Variants in CCDC77 observed in about 807,000 individuals in gnomAD.
The protein encoded by CCDC77 is coiled-coil domain-containing protein 77.
Under a neutral mutation model 66.8 loss-of-function variants are expected in CCDC77, and 56 were observed. The observed-to-expected ratio is 0.84, with a 90% CI of 0.68 to 1.05. CCDC77 has a LOEUF of 1.05. Ranked by LOEUF, CCDC77 falls within the 50% of genes least tolerant of loss-of-function variation. CCDC77 has a pLI of 0.00. For missense variants in CCDC77, 570 were observed against 576.8 expected (o/e 0.99, Z 0.12); for synonymous variants, 196 against 195.2 (o/e 1.00, Z -0.03).
At chr12:395,039 G>T (rs1944808503) in intron 1 of CCDC77, 1 of 152,168 alleles carries the variant, frequency 6.6e-6, no homozygotes, top group African/African-American at 2.4e-5. Context: ...GGGGGCTTGG[G>T]TGATCATCAA....
upstream of CCDC77, among the ~76,000 whole-genome samples, chr12:400,567 C>T (rs1349492603): frequency 6.6e-6 from 1 of 152,102 alleles, no homozygotes; most frequent in African/African-American, 2.4e-5. Context: ...TGTTGTATCA[C>T]AGGAATAAGG....
intron 7 of CCDC77, 32 bp downstream of exon 7, chr12:430,768 A>G: frequency 4.6e-6 from 7 of 1,521,926 alleles, no homozygotes; most frequent in Non-Finnish European, 6.4e-6. Flanking sequence ...AGAAATTCTC[A>G]TCAATGCAGA....
Position 419,263 on chromosome 12 carries a change from T to C in CCDC77, c.413+627T>C, listed in dbSNP as rs149449363. Among the ~76,000 whole-genome samples, 1,011 of 152,312 alleles carry C rather than the reference T, an allele frequency of 6.6e-3. 6 individuals carry two copies. The highest frequency in any genetic ancestry group is 0.027 in the Middle Eastern group (8 of 294). The stretch of plus-strand genomic sequence containing the variant: ...GGACTGAGAATTTTGTGTCCCCACA[T>C]TGACCAGTCATAGGATGCAGGTAGT... On this transcript the variant is annotated intron_variant, in intron 5 of 12. Coordinates refer to ENST00000239830, the MANE Select transcript of CCDC77 (RefSeq NM_032358.4).
At chr12:391,160 AATG>A (rs781515842) in intron 1 of CCDC77, among the ~76,000 whole-genome samples, 3 of 152,236 alleles carry the variant, frequency 2.0e-5, no homozygotes, top group Non-Finnish European at 4.4e-5. Context: ...CAATTATTAT[AATG>A]ATTTATGTCC....
intron 3 of CCDC77, among the ~76,000 whole-genome samples, chr12:410,574 A>G (rs1468039469): frequency 6.6e-6 from 1 of 151,100 alleles, no homozygotes; most frequent in Non-Finnish European, 1.5e-5. Context: ...GGTAGAAACT[A>G]GGTTCCGCTA....
intron 9 of CCDC77, chr12:436,898 T>C: frequency 3.9e-6 from 1 of 256,478 alleles, no homozygotes; most frequent in Non-Finnish European, 6.1e-6. Context: ...GAGAAGATAA[T>C]GTAAGACAGA....
At chr12:390,180 C>A (rs769184845) in intron 1 of CCDC77, 7 of 151,922 alleles carry the variant, frequency 4.6e-5, no homozygotes, top group Admixed American at 3.3e-4. Context: ...GCTCTCACTT[C>A]CCATGTATAA....
rs759053695 is a variant in CCDC77 at position 440,825 on chromosome 12, T to C, written c.1168-19T>C. 1 of 1,613,216 alleles carries C rather than the reference T, an allele frequency of 6.2e-7. No homozygotes were observed. The highest frequency in any genetic ancestry group is 1.7e-5 in the Admixed American group (1 of 60,016). ...GCTTCCCTCACCTTCGTAAATGCCT[T>C]CCCATTCCCCATATTTAGGATCGCA... On this transcript the variant is annotated intron_variant, in intron 11 of 12. Coordinates refer to ENST00000239830, the MANE Select transcript of CCDC77 (RefSeq NM_032358.4).
intron 1 of CCDC77, among the ~76,000 whole-genome samples, chr12:391,739 T>C (rs1396444940): frequency 2.6e-5 from 4 of 152,240 alleles, no homozygotes; most frequent in Admixed American, 2.6e-4. Context: ...TTTTAAACTG[T>C]CTCTCTAGTA....
At chr12:428,510 CAAAAAA>C (rs59414510) in intron 5 of CCDC77, among the ~76,000 whole-genome samples, 19 of 57,876 alleles carry the variant, frequency 3.3e-4, no homozygotes, top group African/African-American at 1.4e-3. Context: ...GACTCTGTCT[CAAAAAA>C]AAAAAAAAAA....
intron 5 of CCDC77, among the ~76,000 whole-genome samples, chr12:425,777 C>T (rs1301452538): frequency 6.6e-6 from 1 of 152,156 alleles, no homozygotes; most frequent in Non-Finnish European, 1.5e-5. Context: ...CTTGTTCATG[C>T]CGTCTGATTT....
At chr12:398,737 T>G (rs1316137570), upstream of CCDC77, among the ~76,000 whole-genome samples, 1 of 151,740 alleles carries the variant, frequency 6.6e-6, no homozygotes, top group African/African-American at 2.4e-5. Context: ...ATGTTCTTTT[T>G]AAAATTTTTT....
rs559669958 is a variant in CCDC77 at position 409,628 on chromosome 12, C to T, written c.38+207C>T. On this transcript the variant is annotated intron_variant, in intron 3 of 12. Coordinates refer to ENST00000239830, the MANE Select transcript of CCDC77 (RefSeq NM_032358.4). ...ACCTCCTGCACTCAAGCAATCCTCC[C>T]ACCTCAGCCTCCCAGAGTGCTGTGA... The T allele has an allele frequency of 6.5e-4, 376 of 576,976 alleles. 2 individuals are homozygous for T. Among genetic ancestry groups the T allele is most frequent in the South Asian group, 5.9e-4 (28 of 47,818 alleles). The allele number at this position is 576,976 out of a possible 1,614,324, so 35.7% of individuals were successfully genotyped here. A position where few individuals can be genotyped will look rare whatever the true frequency, so the allele number is the denominator to read the frequency against.
Position 389,503 on chromosome 12 carries a change from G to A in CCDC77, c.-113+17G>A, listed in dbSNP as rs1271044380. 4.0e-5 allele frequency: 14 copies of A among 349,780 alleles called. No homozygotes were observed. The East Asian group carries it at 5.9e-4, about 15-fold the overall frequency. The allele number at this position is 349,780 out of a possible 1,614,324, so 21.7% of individuals were successfully genotyped here. A position where few individuals can be genotyped will look rare whatever the true frequency, so the allele number is the denominator to read the frequency against. On this transcript the variant is annotated intron_variant, in intron 1 of 11. Coordinates refer to the CCDC77 transcript ENST00000422000. ...TCGCCCTTGGTAAGGGGTCGGGGAG[G>A]GGCACAAGCTCTTCTTTACTAGAGG... is the stretch of plus-strand genomic sequence containing the variant.
upstream of CCDC77, among the ~76,000 whole-genome samples, chr12:399,175 A>ATTT (rs36027759): frequency 1.0e-2 from 1,466 of 147,222 alleles, 32 homozygotes; most frequent in African/African-American, 0.033. Context: ...CTTATGAAAT[A>ATTT]TTTTTTTTTT....
chr12:426,912 C>T (rs1261089087), intron 5 of CCDC77, among the ~76,000 whole-genome samples: 1 of 152,128 alleles, frequency 6.6e-6, no homozygotes, highest in African/African-American at 2.4e-5. Flanking sequence ...TGTGGTGTCG[C>T]AGGGTCTTAC....
chr12:416,351 G>A (rs1473299315), intron 4 of CCDC77, among the ~76,000 whole-genome samples: 15 of 27,312 alleles, frequency 5.5e-4, no homozygotes, highest in African/African-American at 1.8e-3. Context: ...GGGGGTGTGT[G>A]TGTGTGTGTG....
intron 8 of CCDC77, 45 bp from the exon 9 acceptor site, chr12:433,129 A>C (rs1350914262): frequency 6.4e-7 from 1 of 1,568,562 alleles, no homozygotes; most frequent in Non-Finnish European, 8.6e-7. Flanking sequence ...GTATGAAGTA[A>C]GTGGAAGTAG....
At chr12:420,504 TAGC>T (rs1945377511) in intron 5 of CCDC77, among the ~76,000 whole-genome samples, 2 of 93,656 alleles carry the variant, frequency 2.1e-5, no homozygotes, top group East Asian at 8.3e-4. Context: ...AAAATACACA[TAGC>T]AGCACCCTCC....
Sources: allele counts gnomAD v4.1 joint callset (sites outside exome capture counted in the v4.1 genomes callset), GRCh38; gene constraint gnomAD v4.1.1; transcripts MANE v1.5; gene names NCBI Gene and HGNC (gene_info 2026-07-23, HGNC 2026-07-21).